The following COG1 variants were observed in gnomAD, a reference collection of about 807,000 sequenced individuals.
COG1 encodes component of oligomeric golgi complex 1.
A neutral mutation model predicts 102.2 loss-of-function variants in COG1; 61 were observed. That is an observed-to-expected ratio of 0.60 (90% CI 0.49 to 0.74). COG1 has a LOEUF of 0.74. Ranked by LOEUF, COG1 falls within the 30% of genes least tolerant of loss-of-function variation. The pLI, the probability that COG1 is intolerant of heterozygous loss-of-function variation, is 0.00. For synonymous variants in COG1, 454 were observed against 493.6 expected, an observed-to-expected ratio of 0.92 and a Z score of 1.06; for missense variants, 1,164 against 1,232.1, an observed-to-expected ratio of 0.94 and a Z score of 0.83.
chr17:73,196,962 T>C lies in COG1; in HGVS notation c.623T>C (p.Val208Ala). Reference sequence around the variant, plus strand: ...TGCCAAGGTGTGTCTGACCAAGCTGTGGCCGAGGCCCTGTGCTCTATAATG... The same window carrying C: ...TGCCAAGGTGTGTCTGACCAAGCTGCGGCCGAGGCCCTGTGCTCTATAATG... ...LKCQGVSDQA[V>A]AEALCSIMLL... Residue 208 changes from valine (V) to alanine (A), a missense_variant, in exon 3 of 14, where the codon GTG (valine) becomes GCG (alanine). By Grantham distance (64) the Val-to-Ala change is moderately conservative. Transcript: ENST00000299886. 6.2e-7 allele frequency: 1 copy of C among 1,614,262 alleles called. No individual in the cohort carries two copies. The highest frequency in any genetic ancestry group is 1.1e-5 in the South Asian group (1 of 91,086).
intron 9 of COG1, among the ~76,000 whole-genome samples, chr17:73,204,495 C>A (rs889125166): frequency 1.3e-5 from 2 of 151,992 alleles, no homozygotes; most frequent in African/African-American, 2.4e-5. Flanking sequence ...ACCCTTCACA[C>A]TGCTTTCACT....
intron 7 of COG1, 55 bp from the exon 8 acceptor site, chr17:73,202,945 G>C: frequency 6.3e-7 from 1 of 1,598,022 alleles, no homozygotes; most frequent in Non-Finnish European, 8.6e-7. Flanking sequence ...TTGTTTTAAA[G>C]AAACTCTACA....
intron 4 of COG1, 121 bp from the exon 5 acceptor site, chr17:73,199,744 G>T (rs889999874): frequency 8.2e-5 from 97 of 1,180,766 alleles, no homozygotes; most frequent in Non-Finnish European, 1.2e-4. Context: ...CTGGCAAATT[G>T]TTTCTTTTTT....
At chr17:73,198,469 C>T (rs991322938) in intron 4 of COG1, among the ~76,000 whole-genome samples, 2 of 152,090 alleles carry the variant, frequency 1.3e-5, no homozygotes, top group African/African-American at 2.4e-5. Flanking sequence ...CCCTGTGGTC[C>T]CTGCTATTTG....
At chr17:73,208,089 C>T in intron 13 of COG1, 1 of 1,433,350 alleles carries the variant, frequency 7.0e-7, no homozygotes, top group Admixed American at 2.5e-5. Context: ...TACCCTTTTC[C>T]CAAGACAGTC....
chr17:73,200,785 G>A lies in COG1; in HGVS notation c.1281+9G>A, dbSNP rs201614629. 2 of 1,612,632 alleles carry A rather than the reference G, an allele frequency of 1.2e-6. No homozygotes were observed. Among genetic ancestry groups the A allele is most frequent in the East Asian group, 2.2e-5 (1 of 44,874 alleles). ...TCCTTGACCGATTACAGGTGAGCTG[G>A]ACAGTCACATGGTCTACCTGTTTTA... is the stretch of plus-strand genomic sequence containing the variant. On this transcript the variant is annotated intron_variant, in intron 6 of 13. Transcript: ENST00000299886.
intron 13 of COG1, chr17:73,208,041 C>T (rs2061389371): frequency 7.4e-7 from 1 of 1,356,492 alleles, no homozygotes; most frequent in East Asian, 3.1e-5. Flanking sequence ...GTTCTGCCCA[C>T]ATTAGGTTAG....
At chr17:73,194,324 C>T (rs375074532) in intron 1 of COG1, among the ~76,000 whole-genome samples, 2 of 146,398 alleles carry the variant, frequency 1.4e-5, no homozygotes, top group African/African-American at 5.0e-5. Flanking sequence ...CGCCTGTAGT[C>T]CCAGCTACCT....
Position 73,203,696 on chromosome 17 carries a change from A to C in COG1, c.2285A>C (p.His762Pro). Reference protein sequence around the residue: ...LCQEINRVGGHALPKVTLQEM... With the variant: ...LCQEINRVGGPALPKVTLQEM... ...CAGGAAATTAATCGGGTTGGAGGCC[A>C]TGCCTTGCCAAAGGTGACATTACAG... Residue 762 changes from histidine (H) to proline (P), a missense_variant, in exon 9 of 14, where the codon CAT becomes CCT. His to Pro is a moderately conservative substitution (Grantham distance 77). Coordinates refer to ENST00000299886, the MANE Select transcript of COG1 (RefSeq NM_018714.3). 6.2e-7 allele frequency: 1 copy of C among 1,614,232 alleles called. No individual in the cohort carries two copies. The highest frequency in any genetic ancestry group is 8.5e-7 in the Non-Finnish European group (1 of 1,180,032).
intron 1 of COG1, among the ~76,000 whole-genome samples, chr17:73,195,791 C>G (rs576282361): frequency 6.6e-6 from 1 of 152,082 alleles, no homozygotes; most frequent in Admixed American, 6.5e-5. Flanking sequence ...CACGCACCTG[C>G]GATCCCAGCT....
In COG1 at chr17:73,200,148, C is replaced by T. The variant is rs1012051272; in HGVS notation, c.1070+127C>T. The T allele has an allele frequency of 1.9e-5, 22 of 1,136,864 alleles. No homozygotes were observed. The Admixed American group carries it at 4.2e-4, about 22-fold the overall frequency. 70.4% of individuals were successfully genotyped at this position (1,136,864 alleles called of 1,614,324 possible). ...CCTGGATGGCGTGCTGCCCATCAGC[C>T]AGCCTCTCACTCTGTGACCCATTGC... On this transcript the variant is annotated intron_variant, in intron 5 of 13. Transcript: ENST00000299886.
rs1467466251 is a variant in COG1, at chr17:73,194,159, T to TTTTTTTTTTTTTTTGAGACGGAGTCTCGC, written c.315+776_315+777insTTTTTTTTTTTTTGAGACGGAGTCTCGCT. On this transcript the variant is annotated intron_variant, in intron 1 of 13. Transcript: ENST00000299886. ...AGCTTGCGTTCCTAAAGAATTTTTA[T>TTTTTTTTTTTTTTTGAGACGGAGTCTCGC]TGGCCGGGTGCGGTGGCTCACGCCT... Among the ~76,000 whole-genome samples, 29 of 149,750 alleles carry TTTTTTTTTTTTTTTGAGACGGAGTCTCGC rather than the reference T, an allele frequency of 1.9e-4. 1 individual carries two copies. The highest frequency in any genetic ancestry group is 3.1e-4 in the Non-Finnish European group (21 of 67,286).
Position 73,200,835 on chromosome 17 carries a change from CT to C in COG1, c.1281+60del. The C allele has an allele frequency of 3.4e-6, 5 of 1,467,830 alleles. No homozygotes were observed. The South Asian group carries it at 5.7e-5, about 17-fold the overall frequency. The allele number at this position is 1,467,830 out of a possible 1,614,324, so 90.9% of individuals were successfully genotyped here. A position where few individuals can be genotyped will look rare whatever the true frequency, so the allele number is the denominator to read the frequency against. ...ATGGCCAATCCTAGTGGTATTTTGA[CT>C]GTCTTGGGAGATTTCTGTCGCTTCC... On this transcript the variant is annotated intron_variant, in intron 6 of 13. Coordinates refer to ENST00000299886, the MANE Select transcript of COG1 (RefSeq NM_018714.3).
At chr17:73,203,490 T>C (rs2061355384) in intron 8 of COG1, 142 bp from the exon 9 acceptor site, 6 of 1,018,490 alleles carry the variant, frequency 5.9e-6, no homozygotes, top group African/African-American at 1.6e-5. Flanking sequence ...TTGTGTCTGC[T>C]GAACAGTCTG....
chr17:73,203,181 A>G (rs2061354065), intron 8 of COG1, 35 bp downstream of exon 8: 8 of 1,612,474 alleles, frequency 5.0e-6, no homozygotes, highest in Non-Finnish European at 5.9e-6. Flanking sequence ...AAGGGAATAA[A>G]CTGCTCCGTG....
In COG1 at chr17:73,200,601, T is replaced by C. The variant is rs1369456124; in HGVS notation, c.1106T>C (p.Leu369Pro). 7 of 1,614,080 alleles carry C rather than the reference T, an allele frequency of 4.3e-6. No homozygotes were observed. The African/African-American group carries it at 9.3e-5, about 22-fold the overall frequency. Residue 369 changes from leucine to proline, a missense_variant, in exon 6 of 14, where the codon CTG becomes CCG. Physicochemically the swap from Leu to Pro is moderately conservative, Grantham distance 98 (BLOSUM62 -3). Transcript: ENST00000299886. Reference protein sequence around the residue: ...NEDIKNGITNLLMYVKSMKGL... With the variant: ...NEDIKNGITNPLMYVKSMKGL... ...GACATTAAAAATGGGATCACCAACC[T>C]GCTCATGTACGTGAAGAGCATGAAG...
chr17:73,199,009 C>T (rs1001409233), intron 4 of COG1, among the ~76,000 whole-genome samples: 2 of 152,210 alleles, frequency 1.3e-5, no homozygotes, highest in Non-Finnish European at 2.9e-5. Context: ...TTTAGTACCT[C>T]ATCCCACTCA....
intron 4 of COG1, among the ~76,000 whole-genome samples, chr17:73,197,979 T>C (rs1029697405): frequency 4.6e-5 from 7 of 152,214 alleles, no homozygotes; most frequent in Non-Finnish European, 1.0e-4. Context: ...GTGCGGACCC[T>C]CTGTTATGTG....
chr17:73,196,569 A>C lies in COG1; in HGVS notation c.378A>C (p.Glu126Asp), dbSNP rs1329548424. ...SMAAQIKLLLEIPEKIWSSME... is the reference protein window; with the variant it reads ...SMAAQIKLLLDIPEKIWSSME... Reference sequence around the variant, plus strand: ...CTGCCCAGATCAAGCTACTCTTAGAAATTCCGGAGAAGATCTGGAGCTCGA... The same window carrying C: ...CTGCCCAGATCAAGCTACTCTTAGACATTCCGGAGAAGATCTGGAGCTCGA... Residue 126 changes from glutamate to aspartate, a missense_variant, in exon 2 of 14, where the codon GAA (glutamate) becomes GAC (aspartate). By Grantham distance (45) the Glu-to-Asp change is conservative. Transcript: ENST00000299886. The C allele has an allele frequency of 1.2e-6, 2 of 1,614,096 alleles. No individual in the cohort carries two copies. The highest frequency in any genetic ancestry group is 2.7e-5 in the African/African-American group (2 of 74,928).
Sources: allele counts gnomAD v4.1 joint callset (sites outside exome capture counted in the v4.1 genomes callset), GRCh38; gene constraint gnomAD v4.1.1; transcripts MANE v1.5; gene names NCBI Gene and HGNC (gene_info 2026-07-23, HGNC 2026-07-21).